Variants in DMD observed in about 807,000 individuals in gnomAD.
DMD encodes the protein mutant dystrophin.
A neutral mutation model predicts 330.1 loss-of-function variants in DMD; 63 were observed. The observed-to-expected ratio is 0.19, with a 90% CI of 0.16 to 0.24. The LOEUF (loss-of-function observed/expected upper bound fraction) is 0.24. Ranked by LOEUF, DMD falls within the 10% of genes least tolerant of loss-of-function variation. DMD has a pLI of 1.00. For synonymous variants in DMD, 1,223 were observed against 959.8 expected (o/e 1.27, Z -5.07); for missense variants, 3,344 against 2,684.1 (o/e 1.25, Z -5.43).
intron 1 of DMD, among the ~76,000 whole-genome samples, chrX:33,036,801 A>G (rs73621870): frequency 4.5e-4 from 28 of 61,839 alleles, no homozygotes; most frequent in African/African-American, 1.9e-3. Flanking sequence ...ACATGAATGC[A>G]TGTGTGTGTA....
At chrX:33,132,938 A>C (rs1401036710) in intron 1 of DMD, among the ~76,000 whole-genome samples, 1 of 112,042 alleles carries the variant, frequency 8.9e-6, no homozygotes, top group Non-Finnish European at 1.9e-5. Flanking sequence ...AGTAGCTACT[A>C]TTTATCAACA....
At chrX:31,966,814 G>A (rs2095355510) in intron 45 of DMD, among the ~76,000 whole-genome samples, 1 of 110,479 alleles carries the variant, frequency 9.1e-6, no homozygotes, top group African/African-American at 3.3e-5. Flanking sequence ...GAAAATTCAG[G>A]TGAATTAGAG....
intron 1 of DMD, among the ~76,000 whole-genome samples, chrX:33,217,459 A>G (rs1569558737): frequency 9.0e-6 from 1 of 111,594 alleles, no homozygotes; most frequent in African/African-American, 3.2e-5. Flanking sequence ...TTATTTCCTT[A>G]GCTTTTTAGT....
At chrX:33,115,337 G>A (rs1470758816) in intron 1 of DMD, among the ~76,000 whole-genome samples, 2 of 110,779 alleles carry the variant, frequency 1.8e-5, no homozygotes, top group Non-Finnish European at 3.8e-5. Context: ...AGCCACGAAT[G>A]ACACAGTTTT....
chrX:33,072,511 C>G (rs1440545901), intron 1 of DMD, among the ~76,000 whole-genome samples: 1 of 112,273 alleles, frequency 8.9e-6, no homozygotes, highest in African/African-American at 3.2e-5. Context: ...TTAGAGATGT[C>G]TAAAAGTAAT....
At chrX:31,830,236 A>G (rs564719911) in intron 49 of DMD, among the ~76,000 whole-genome samples, 3 of 112,856 alleles carry the variant, frequency 2.7e-5, no homozygotes, top group African/African-American at 6.4e-5. Context: ...CTTTCAAAGA[A>G]TTTGTTAAAA....
At chrX:32,244,585 A>G (rs1297025619) in intron 43 of DMD, among the ~76,000 whole-genome samples, 1 of 81,027 alleles carries the variant, frequency 1.2e-5, no homozygotes, top group East Asian at 4.8e-4. Context: ...CAACAGTGTA[A>G]AAGTGTTCCT....
At chrX:33,006,032 T>A (rs768213093) in intron 2 of DMD, among the ~76,000 whole-genome samples, 2 of 111,246 alleles carry the variant, frequency 1.8e-5, no homozygotes, top group Admixed American at 9.6e-5. Flanking sequence ...TACTGAGGAA[T>A]AAATCTAAAA....
chrX:31,398,238 C>T (rs1321624874), intron 60 of DMD, among the ~76,000 whole-genome samples: 1 of 111,822 alleles, frequency 8.9e-6, no homozygotes, highest in East Asian at 2.8e-4. Context: ...GACAGAATTG[C>T]AATTTAAATC....
rs10521990 is a variant in DMD, at chrX:32,295,228, G to T, written c.6118-7527C>A. On this transcript the variant is annotated intron_variant, in intron 42 of 78. Coordinates refer to ENST00000357033, the MANE Select transcript of DMD (RefSeq NM_004006.3). Reference sequence around the variant, plus strand: ...TAATTTCTGAAAGGCATCTGTACACGAATTTATACAACTCGAGTCCTTAAT... The same window carrying T: ...TAATTTCTGAAAGGCATCTGTACACTAATTTATACAACTCGAGTCCTTAAT... Among the ~76,000 whole-genome samples the T allele has an allele frequency of 2.4e-4, 27 of 111,703 alleles. No individual in the cohort carries two copies. The Admixed American group carries it at 2.6e-3, about 11-fold the overall frequency.
chrX:33,078,480 G>T (rs1021061042), intron 1 of DMD, among the ~76,000 whole-genome samples: 3 of 112,118 alleles, frequency 2.7e-5, no homozygotes, highest in African/African-American at 9.7e-5. Flanking sequence ...TCCAAAATTT[G>T]TCACTGAGTG....
chrX:31,331,387 G>T (rs911178245), intron 61 of DMD, among the ~76,000 whole-genome samples: 2 of 108,692 alleles, frequency 1.8e-5, no homozygotes, highest in Admixed American at 9.9e-5. Context: ...GCTGATGGCT[G>T]CACAGTCACA....
rs377369657 is a variant in DMD, at chrX:33,018,661, A to G, written c.93+1478T>C. ...TATTGTTACATTTACTATTTCAGAA[A>G]ATTTCTTCACAATTCTGATTTGTCT... On this transcript the variant is annotated intron_variant, in intron 2 of 78. Coordinates refer to ENST00000357033, the MANE Select transcript of DMD (RefSeq NM_004006.3). 2.2e-4 allele frequency among the ~76,000 whole-genome samples: 25 copies of G among 111,860 alleles called. No individual in the cohort carries two copies. The East Asian group carries it at 4.5e-3, about 20-fold the overall frequency.
At chrX:31,756,989 CTT>C (rs72154168) in intron 51 of DMD, among the ~76,000 whole-genome samples, 1 of 102,119 alleles carries the variant, frequency 9.8e-6, no homozygotes, top group Admixed American at 1.1e-4. Flanking sequence ...GTTTGTTTTG[CTT>C]TTTTTTTTTA....
intron 42 of DMD, among the ~76,000 whole-genome samples, chrX:32,298,420 T>C: frequency 9.0e-6 from 1 of 110,637 alleles, no homozygotes; most frequent in Middle Eastern, 4.6e-3. Context: ...TTAACTATAG[T>C]GTAGAAAACT....
chrX:32,223,436 A>G (rs1365962931), intron 43 of DMD, among the ~76,000 whole-genome samples: 1 of 112,074 alleles, frequency 8.9e-6, no homozygotes, highest in Non-Finnish European at 1.9e-5. Flanking sequence ...CATTCAAACT[A>G]TAGCAAATTT....
At chrX:32,844,708 T>G in intron 4 of DMD, 75 bp downstream of exon 4, 1 of 881,411 alleles carries the variant, frequency 1.1e-6, no homozygotes, top group Non-Finnish European at 1.7e-6. Context: ...TCTCTGCATT[T>G]GGGGCCAAAG....
At chrX:31,406,960 T>A (rs944203323) in intron 60 of DMD, among the ~76,000 whole-genome samples, 2 of 111,649 alleles carry the variant, frequency 1.8e-5, no homozygotes, top group African/African-American at 6.5e-5. Flanking sequence ...CAATTTTTTA[T>A]TAATACCATA....
intron 1 of DMD, among the ~76,000 whole-genome samples, chrX:33,302,703 C>A (rs1013779807): frequency 2.7e-5 from 3 of 111,108 alleles, no homozygotes; most frequent in Non-Finnish European, 5.7e-5. Context: ...ACACGTACAG[C>A]CACCCACGCT....
Sources: allele counts gnomAD v4.1 joint callset (sites outside exome capture counted in the v4.1 genomes callset), GRCh38; gene constraint gnomAD v4.1.1; transcripts MANE v1.5; gene names NCBI Gene and HGNC (gene_info 2026-07-23, HGNC 2026-07-21).